The following CCDC150 variants were observed in gnomAD, a reference collection of about 807,000 sequenced individuals.
The protein encoded by CCDC150 is coiled-coil domain containing 150, also known as coiled-coil domain-containing protein 150.
In CCDC150, 151 loss-of-function variants were observed where a neutral mutation model predicts 156.5. The observed-to-expected ratio is 0.97, with a 90% confidence interval of 0.85 to 1.10. The LOEUF (loss-of-function observed/expected upper bound fraction) is 1.10. Among genes scored for constraint, CCDC150 ranks in the 50% least tolerant of loss-of-function variants. CCDC150 has a pLI of 0.00. For missense variants in CCDC150, 1,312 were observed against 1,268.1 expected, an observed-to-expected ratio of 1.03 and a Z score of -0.53; for synonymous variants, 452 against 429.4, an observed-to-expected ratio of 1.05 and a Z score of -0.65.
At chr2:196,652,352 T>C (rs1232697401) in intron 2 of CCDC150, among the ~76,000 whole-genome samples, 1 of 152,248 alleles carries the variant, frequency 6.6e-6, no homozygotes, top group Non-Finnish European at 1.5e-5. Flanking sequence ...ACTTCCAAGA[T>C]ACAATGTGGT....
intron 13 of CCDC150, among the ~76,000 whole-genome samples, chr2:196,685,253 C>G (rs1695055670): frequency 1.3e-5 from 2 of 152,066 alleles, no homozygotes; most frequent in South Asian, 4.2e-4. Flanking sequence ...TATATACTAC[C>G]TTTTATATAC....
chr2:196,665,823 T>C, intron 6 of CCDC150, 140 bp downstream of exon 6: 1 of 517,648 alleles, frequency 1.9e-6, no homozygotes, highest in East Asian at 3.5e-5. Context: ...ATGTTAACAA[T>C]CTTACTACAG....
chr2:196,650,508 C>T (rs1053962886), intron 2 of CCDC150, among the ~76,000 whole-genome samples: 10 of 152,284 alleles, frequency 6.6e-5, no homozygotes, highest in South Asian at 6.2e-4. Context: ...ATTCTCCTGC[C>T]GCAGCCTCCT....
chr2:196,669,709 T>C (rs1559228535), intron 7 of CCDC150, 124 bp from the exon 8 acceptor site: 3 of 657,302 alleles, frequency 4.6e-6, no homozygotes, highest in Non-Finnish European at 7.9e-6. Context: ...AAAAATATTA[T>C]AGAAATAGTT....
At chr2:196,657,484 G>A in intron 4 of CCDC150, 2 of 217,656 alleles carry the variant, frequency 9.2e-6, no homozygotes, top group Non-Finnish European at 9.2e-6. Context: ...TAAGAGTATA[G>A]GAAATGTTAC....
intron 7 of CCDC150, among the ~76,000 whole-genome samples, chr2:196,668,804 G>T (rs540295259): frequency 6.6e-6 from 1 of 152,188 alleles, no homozygotes; most frequent in South Asian, 2.1e-4. Flanking sequence ...TTGGTTAGTA[G>T]AATTTTCCCG....
rs1380841960 is a variant in CCDC150, at chr2:196,725,115, A to G, written c.2430-858A>G. 2.0e-5 allele frequency among the ~76,000 whole-genome samples: 3 copies of G among 152,204 alleles called. No individual in the cohort carries two copies. The East Asian group carries it at 5.8e-4, about 29-fold the overall frequency. ...AGAGACACGTGGAGAACATGGATAT[A>G]TTATACAAATAAGAGCAAGAGATGG... On this transcript the variant is annotated intron_variant, in intron 21 of 27. Coordinates refer to ENST00000389175, the MANE Select transcript of CCDC150 (RefSeq NM_001080539.2).
chr2:196,693,562 C>G (rs991934923), intron 13 of CCDC150, among the ~76,000 whole-genome samples: 1 of 152,154 alleles, frequency 6.6e-6, no homozygotes, highest in African/African-American at 2.4e-5. Context: ...TTCGGGATTT[C>G]CTTTTTAGAC....
chr2:196,704,710 C>T (rs1040468439), intron 15 of CCDC150, among the ~76,000 whole-genome samples: 2 of 152,106 alleles, frequency 1.3e-5, no homozygotes, highest in Admixed American at 6.5e-5. Flanking sequence ...TGCTCCCCAC[C>T]CCACGACAGG....
chr2:196,674,477 T>G (rs1468530236), intron 10 of CCDC150, 129 bp downstream of exon 10: 1 of 624,342 alleles, frequency 1.6e-6, no homozygotes, highest in Non-Finnish European at 2.8e-6. Flanking sequence ...TTATCTTAAT[T>G]CTATTAGTGC....
chr2:196,691,360 ATTTG>A (rs987356986), intron 13 of CCDC150, among the ~76,000 whole-genome samples: 4 of 152,040 alleles, frequency 2.6e-5, no homozygotes, highest in Non-Finnish European at 4.4e-5. Flanking sequence ...TTGCTAGGCT[ATTTG>A]TTACTGCCTC....
chr2:196,642,148 A>G (rs1692267533), intron 1 of CCDC150, among the ~76,000 whole-genome samples: 1 of 152,238 alleles, frequency 6.6e-6, no homozygotes, highest in African/African-American at 2.4e-5. Flanking sequence ...TATTGTTACT[A>G]TCAAGCGTTA....
At chr2:196,705,176 T>C (rs1696529534) in intron 15 of CCDC150, among the ~76,000 whole-genome samples, 1 of 152,230 alleles carries the variant, frequency 6.6e-6, no homozygotes, top group Non-Finnish European at 1.5e-5. Context: ...ACCAACAGTG[T>C]AAAAGCATTT....
intron 5 of CCDC150, among the ~76,000 whole-genome samples, chr2:196,662,568 G>A (rs555941237): frequency 2.0e-5 from 3 of 152,284 alleles, no homozygotes; most frequent in East Asian, 1.9e-4. Context: ...AGCCCAGGTG[G>A]TAGAGCTGGT....
At chr2:196,704,064 G>A (rs978105271) in intron 15 of CCDC150, among the ~76,000 whole-genome samples, 1 of 152,230 alleles carries the variant, frequency 6.6e-6, no homozygotes, top group Non-Finnish European at 1.5e-5. Flanking sequence ...TAAAGGAAGA[G>A]CTGTATACTA....
intron 1 of CCDC150, among the ~76,000 whole-genome samples, chr2:196,641,688 CT>C (rs1388932469): frequency 2.6e-5 from 4 of 152,106 alleles, no homozygotes; most frequent in Admixed American, 6.5e-5. Flanking sequence ...TGCCCCCCGC[CT>C]CATTGCCTAT....
chr2:196,705,260 A>G (rs1373460790), intron 15 of CCDC150, among the ~76,000 whole-genome samples: 3 of 152,128 alleles, frequency 2.0e-5, no homozygotes, highest in Non-Finnish European at 4.4e-5. Context: ...CTGGTGTGAG[A>G]TGGTATCTCA....
intron 2 of CCDC150, among the ~76,000 whole-genome samples, chr2:196,654,301 GTT>G (rs950909606): frequency 1.3e-5 from 2 of 149,288 alleles, no homozygotes; most frequent in African/African-American, 2.5e-5. Context: ...GGCTTGGGAA[GTT>G]TTTTTTTTAT....
rs759595694 is a variant in CCDC150 at position 196,732,535 on chromosome 2, G to T, written c.3279G>T (p.Lys1093Asn). Residue 1093 changes from lysine (K) to asparagine (N), a missense_variant, in exon 28 of 28, where the codon AAG becomes AAT. By Grantham distance (94) the Lys-to-Asn change is moderately conservative. Transcript: ENST00000389175. ...AGAATCTTAGGCCCATGCCCAAGAA[G>T]TATCATTCTGAGGTACAGAGGAAGT... ...RKQNLRPMPKKYHSEVQRK is the reference protein window; with the variant it reads ...RKQNLRPMPKNYHSEVQRK 6.2e-7 allele frequency: 1 copy of T among 1,612,002 alleles called. No homozygotes were observed. Among genetic ancestry groups the T allele is most frequent in the East Asian group, 2.2e-5 (1 of 44,862 alleles).
Sources: allele counts gnomAD v4.1 joint callset (sites outside exome capture counted in the v4.1 genomes callset), GRCh38; gene constraint gnomAD v4.1.1; transcripts MANE v1.5; gene names NCBI Gene and HGNC (gene_info 2026-07-23, HGNC 2026-07-21).